ARID4B: variants seen among roughly 807,000 people sequenced by gnomAD.
ARID4B encodes the protein AT-rich interactive domain-containing protein 4B.
Under a neutral mutation model 147.5 loss-of-function variants are expected in ARID4B, and 26 were observed. That is an observed-to-expected ratio of 0.18 (90% CI 0.13 to 0.24). ARID4B has a LOEUF of 0.24. Among genes scored for constraint, ARID4B ranks in the 10% least tolerant of loss-of-function variants. The probability of loss-of-function intolerance (pLI) is 1.00; values close to 1 mark genes in which losing one functional copy is unlikely to be tolerated. For synonymous variants in ARID4B, 512 were observed against 507.9 expected (o/e 1.01, Z -0.11); for missense variants, 1,179 against 1,511.5 (o/e 0.78, Z 3.65).
intron 2 of ARID4B, among the ~76,000 whole-genome samples, chr1:235,306,830 G>T (rs572177240): frequency 6.6e-6 from 1 of 151,922 alleles, no homozygotes; most frequent in South Asian, 2.1e-4. Context: ...TAATTTTTTT[G>T]TATTTTTGGT....
intron 2 of ARID4B, among the ~76,000 whole-genome samples, chr1:235,319,933 C>A (rs1032324001): frequency 1.8e-4 from 28 of 151,992 alleles, no homozygotes; most frequent in Non-Finnish European, 4.4e-5. Flanking sequence ...TTGAGACCAG[C>A]CTGGCCAACA....
intron 11 of ARID4B, chr1:235,228,408 A>G (rs1348249423): frequency 6.7e-6 from 1 of 148,322 alleles, no homozygotes; most frequent in South Asian, 2.1e-4. Flanking sequence ...CCGTCCTCCC[A>G]ACACAGCCTC....
chr1:235,270,073 GGAGATC>G (rs1427709131), intron 2 of ARID4B, among the ~76,000 whole-genome samples: 1 of 152,062 alleles, frequency 6.6e-6, no homozygotes, highest in Non-Finnish European at 1.5e-5. Flanking sequence ...CACAAGGTCA[GGAGATC>G]GAGACCATCT....
At chr1:235,191,410 G>A (rs767445368) in intron 19 of ARID4B, among the ~76,000 whole-genome samples, 2 of 151,880 alleles carry the variant, frequency 1.3e-5, no homozygotes, top group South Asian at 2.1e-4. Context: ...CACCACACCC[G>A]GCAAAGTTTT....
chr1:235,293,089 G>A (rs918414511), intron 2 of ARID4B, among the ~76,000 whole-genome samples: 2 of 152,096 alleles, frequency 1.3e-5, no homozygotes, highest in Non-Finnish European at 2.9e-5. Context: ...TTTATTAACT[G>A]CTCCCCTTGT....
intron 2 of ARID4B, among the ~76,000 whole-genome samples, chr1:235,317,551 T>C (rs1674526239): frequency 6.6e-6 from 1 of 152,228 alleles, no homozygotes; most frequent in African/African-American, 2.4e-5. Context: ...AGATAGTTTG[T>C]CTATGCTGAC....
At chr1:235,290,925 G>A (rs1238674303) in intron 2 of ARID4B, among the ~76,000 whole-genome samples, 1 of 152,166 alleles carries the variant, frequency 6.6e-6, no homozygotes, top group Non-Finnish European at 1.5e-5. Flanking sequence ...GTGCTACCGT[G>A]TCTGTACAAA....
intron 2 of ARID4B, among the ~76,000 whole-genome samples, chr1:235,267,604 G>A (rs149275918): frequency 0.022 from 3,317 of 152,204 alleles, 48 homozygotes; most frequent in Middle Eastern, 0.041. Flanking sequence ...AGGCCGAGGC[G>A]GGTGGATCAC....
intron 17 of ARID4B, among the ~76,000 whole-genome samples, chr1:235,199,629 C>A (rs1665748687): frequency 6.6e-6 from 1 of 152,098 alleles, no homozygotes; most frequent in African/African-American, 2.4e-5. Context: ...GCATTCCAGG[C>A]CCTATTCAGA....
intron 5 of ARID4B, among the ~76,000 whole-genome samples, chr1:235,255,287 C>CTATATATATA (rs558596691): frequency 1.5e-5 from 2 of 136,504 alleles, no homozygotes; most frequent in African/African-American, 5.3e-5. Flanking sequence ...CTCTCTCTCT[C>CTATATATATA]TATATATATA....
intron 19 of ARID4B, among the ~76,000 whole-genome samples, chr1:235,193,733 C>T (rs562912918): frequency 2.0e-4 from 30 of 152,160 alleles, no homozygotes; most frequent in African/African-American, 2.4e-4. Context: ...TGAGTGCTGA[C>T]GTGATTCTGA....
rs755815257 is a variant in ARID4B, at chr1:235,173,742, TAAAAAAAAAAA to T, written c.3665-989_3665-979del. ...AACATAATGAGACCTCGTCTCTATT[TAAAAAAAAAAA>T]AAAAAAAAAAAAAAAAAAATATATA... On this transcript the variant is annotated intron_variant, in intron 22 of 23. Coordinates refer to ENST00000264183, the MANE Select transcript of ARID4B (RefSeq NM_016374.6). Among the ~76,000 whole-genome samples the T allele has an allele frequency of 3.0e-3, 78 of 26,182 alleles. 1 individual carries two copies. The highest frequency in any genetic ancestry group is 4.6e-3 in the African/African-American group (30 of 6,570). The allele number at this position is 26,182 out of a possible 152,430, so 17.2% of individuals were successfully genotyped here.
chr1:235,218,408 C>G (rs775591936), intron 16 of ARID4B, among the ~76,000 whole-genome samples: 52 of 152,166 alleles, frequency 3.4e-4, no homozygotes, highest in Non-Finnish European at 2.9e-4. Context: ...GCCTTGCAAA[C>G]AGCAGATGTT....
intron 2 of ARID4B, among the ~76,000 whole-genome samples, chr1:235,303,697 G>A (rs1673348382): frequency 6.6e-6 from 1 of 152,008 alleles, no homozygotes; most frequent in Admixed American, 6.6e-5. Context: ...CCATTGCACT[G>A]CAGCCTGCAG....
intron 19 of ARID4B, among the ~76,000 whole-genome samples, chr1:235,193,350 T>C (rs539016913): frequency 6.6e-6 from 1 of 152,216 alleles, no homozygotes; most frequent in Non-Finnish European, 1.5e-5. Context: ...TGAGCTGAGA[T>C]TGCACCACTG....
At chr1:235,204,316 C>G (rs147116805) in intron 17 of ARID4B, among the ~76,000 whole-genome samples, 1 of 152,018 alleles carries the variant, frequency 6.6e-6, no homozygotes, top group South Asian at 2.1e-4. Flanking sequence ...AGCGAAACTC[C>G]GCTTCAAAAT....
chr1:235,296,128 C>A, intron 2 of ARID4B: 1 of 173,534 alleles, frequency 5.8e-6, no homozygotes, highest in South Asian at 1.5e-4. Flanking sequence ...ACCACTGAGT[C>A]AGCCATGAAA....
intron 7 of ARID4B, 126 bp from the exon 8 acceptor site, chr1:235,240,577 T>C (rs914367454): frequency 1.2e-6 from 1 of 844,814 alleles, no homozygotes; most frequent in Non-Finnish European, 1.8e-6. Context: ...CTAATTTAAA[T>C]CTTAAATCAT....
At chr1:235,313,411 C>T (rs1674213293) in intron 2 of ARID4B, among the ~76,000 whole-genome samples, 2 of 152,190 alleles carry the variant, frequency 1.3e-5, no homozygotes, top group Admixed American at 6.5e-5. Context: ...GTGGCTCCTC[C>T]GTGTTCAGGC....
Sources: allele counts gnomAD v4.1 joint callset (sites outside exome capture counted in the v4.1 genomes callset), GRCh38; gene constraint gnomAD v4.1.1; transcripts MANE v1.5; gene names NCBI Gene and HGNC (gene_info 2026-07-23, HGNC 2026-07-21).